Variants in TRAPPC9 observed in about 807,000 individuals in gnomAD.
TRAPPC9 encodes the protein IKK2 binding protein.
TRAPPC9 carries 83 observed loss-of-function variants against 124.0 expected under a neutral mutation model. That is an observed-to-expected ratio of 0.67 (90% CI 0.56 to 0.80). The LOEUF (loss-of-function observed/expected upper bound fraction) is 0.80, where lower values mean the gene tolerates loss of function less well. Among genes scored for constraint, TRAPPC9 ranks in the 30% least tolerant of loss-of-function variants. TRAPPC9 has a pLI of 0.00. For missense variants in TRAPPC9, 1,302 were observed against 1,508.3 expected, an observed-to-expected ratio of 0.86 and a Z score of 2.27; for synonymous variants, 638 against 617.5, an observed-to-expected ratio of 1.03 and a Z score of -0.49.
chr8:140,232,034 A>C (rs1042034985), intron 16 of TRAPPC9, among the ~76,000 whole-genome samples: 2 of 151,918 alleles, frequency 1.3e-5, no homozygotes, highest in African/African-American at 4.8e-5. Context: ...TTGGCCTCCT[A>C]AAGTGCTGGG....
intron 9 of TRAPPC9, among the ~76,000 whole-genome samples, chr8:140,313,989 G>A (rs569955593): frequency 7.4e-4 from 112 of 152,270 alleles, no homozygotes; most frequent in Non-Finnish European, 1.3e-3. Context: ...AAGGATTCAA[G>A]TGTCGGCTAT....
chr8:139,790,345 G>A (rs768451735), intron 21 of TRAPPC9, among the ~76,000 whole-genome samples: 15 of 152,224 alleles, frequency 9.9e-5, no homozygotes, highest in Non-Finnish European at 1.8e-4. Flanking sequence ...TTCAGAAACT[G>A]TGCGCTGAGA....
chr8:139,817,381 G>T (rs1384902287), intron 21 of TRAPPC9, among the ~76,000 whole-genome samples: 1 of 152,188 alleles, frequency 6.6e-6, no homozygotes, highest in Non-Finnish European at 1.5e-5. Flanking sequence ...TTACATCTCA[G>T]GAGTTCCTTT....
chr8:140,407,700 A>T (rs775691903), intron 5 of TRAPPC9, among the ~76,000 whole-genome samples: 2 of 151,544 alleles, frequency 1.3e-5, no homozygotes, highest in Non-Finnish European at 2.9e-5. Context: ...GCTCGCTACA[A>T]CCCCCCTCCT....
At position 140,299,121 on chromosome 8, in the gene TRAPPC9, G is replaced by A. The variant is rs145325632; in HGVS notation, c.1768+1348C>T. Among the ~76,000 whole-genome samples the A allele has an allele frequency of 1.9e-3, 291 of 152,344 alleles. 1 individual carries two copies. Among genetic ancestry groups the A allele is most frequent in the Non-Finnish European group, 3.1e-3 (214 of 68,022 alleles). Reference sequence around the variant, plus strand: ...AGAGACCAAAAGGATGTGACAACAAGAGAGCCAATGATAGAGGGGCAGGGG... The same window carrying A: ...AGAGACCAAAAGGATGTGACAACAAAAGAGCCAATGATAGAGGGGCAGGGG... On this transcript the variant is annotated intron_variant, in intron 11 of 22. Transcript: ENST00000438773.
chr8:139,952,337 G>A (rs1399422102), intron 19 of TRAPPC9, among the ~76,000 whole-genome samples: 2 of 152,184 alleles, frequency 1.3e-5, no homozygotes. Flanking sequence ...GAAGGGTCAG[G>A]CTGAGTTCAG....
chr8:140,457,562 C>T, intron 1 of TRAPPC9, 77 bp downstream of exon 1: 1 of 977,618 alleles, frequency 1.0e-6, no homozygotes, highest in Non-Finnish European at 1.2e-6. Flanking sequence ...GACGCGCCGA[C>T]TCCACGGCCA....
At chr8:139,797,317 T>C (rs1823169363) in intron 21 of TRAPPC9, among the ~76,000 whole-genome samples, 1 of 152,322 alleles carries the variant, frequency 6.6e-6, no homozygotes, top group Non-Finnish European at 1.5e-5. Context: ...TGGAGTGCAG[T>C]GGCGTGATCT....
At chr8:140,423,700 GTATACACATATATACATA>G (rs1243427175) in intron 5 of TRAPPC9, among the ~76,000 whole-genome samples, 1 of 53,408 alleles carries the variant, frequency 1.9e-5, no homozygotes, top group African/African-American at 4.1e-5. Context: ...ATATACACAT[GTATACACATATATACATA>G]TATACACATA....
At chr8:140,458,456 G>C (rs765373908), upstream of TRAPPC9, 2 of 1,574,212 alleles carry the variant, frequency 1.3e-6, no homozygotes, top group Non-Finnish European at 8.6e-7. Flanking sequence ...CGCGCGGCCT[G>C]GGAGCGCCTC....
chr8:140,112,106 G>A (rs924864923), intron 17 of TRAPPC9, among the ~76,000 whole-genome samples: 8 of 152,264 alleles, frequency 5.3e-5, no homozygotes, highest in African/African-American at 1.2e-4. Context: ...ACATGTCAAC[G>A]GGAAGCTTTG....
intron 5 of TRAPPC9, among the ~76,000 whole-genome samples, chr8:140,425,390 T>A (rs2070386512): frequency 2.0e-5 from 3 of 152,236 alleles, no homozygotes; most frequent in Admixed American, 2.0e-4. Flanking sequence ...TTTTCACCTC[T>A]ACAGCAGAAC....
At chr8:139,975,119 G>A (rs1421392578) in intron 19 of TRAPPC9, among the ~76,000 whole-genome samples, 3 of 152,036 alleles carry the variant, frequency 2.0e-5, no homozygotes, top group Non-Finnish European at 4.4e-5. Flanking sequence ...TAGGACCAAG[G>A]TCTGGCAACT....
chr8:140,091,956 C>T (rs994012112), intron 17 of TRAPPC9, among the ~76,000 whole-genome samples: 3 of 151,844 alleles, frequency 2.0e-5, no homozygotes, highest in African/African-American at 7.3e-5. Context: ...CCCACAGCGA[C>T]CCTTCGATTC....
At chr8:139,971,650 C>A (rs1003706786) in intron 19 of TRAPPC9, among the ~76,000 whole-genome samples, 1 of 152,096 alleles carries the variant, frequency 6.6e-6, no homozygotes, top group Non-Finnish European at 1.5e-5. Context: ...ACCAGGCGTG[C>A]CTGGCAAGAT....
chr8:140,086,144 G>T (rs965151627), intron 17 of TRAPPC9, among the ~76,000 whole-genome samples: 1 of 152,180 alleles, frequency 6.6e-6, no homozygotes, highest in Non-Finnish European at 1.5e-5. Flanking sequence ...ACCAGGGCTT[G>T]GATCGTGTGC....
intron 9 of TRAPPC9, among the ~76,000 whole-genome samples, chr8:140,312,419 C>G (rs182733042): frequency 2.6e-5 from 4 of 152,306 alleles, no homozygotes; most frequent in Non-Finnish European, 5.9e-5. Flanking sequence ...AGTCCTTCAA[C>G]CTTTCTGCAT....
chr8:140,243,143 T>C (rs142063706), intron 16 of TRAPPC9, among the ~76,000 whole-genome samples: 9 of 152,132 alleles, frequency 5.9e-5, no homozygotes, highest in Non-Finnish European at 1.3e-4. Flanking sequence ...GGCCGAGGAA[T>C]CTGCGTTTTA....
chr8:140,102,481 ACACACACACACACGCATG>A (rs1407640624), intron 17 of TRAPPC9, among the ~76,000 whole-genome samples: 2 of 149,390 alleles, frequency 1.3e-5, no homozygotes, highest in Non-Finnish European at 2.9e-5. Context: ...CACCACACAC[ACACACACACACACGCATG>A]CACGCACACA....
Sources: gnomAD v4.1 joint callset for allele counts (sites outside exome capture counted in the v4.1 genomes callset) on GRCh38, gnomAD v4.1.1 for gene constraint, MANE v1.5 for transcripts, NCBI Gene and HGNC (gene_info 2026-07-23, HGNC 2026-07-21) for gene names.